FMN1: variants seen among roughly 807,000 people sequenced by gnomAD.
The protein encoded by FMN1 is formin-1.
In FMN1, 110 loss-of-function variants were observed where a neutral mutation model predicts 132.4. The ratio of observed to expected loss-of-function variants is 0.83; its 90% CI spans 0.71 to 0.97. FMN1 has a LOEUF of 0.97. Ranked by LOEUF, FMN1 falls within the 50% of genes least tolerant of loss-of-function variation. The pLI, the probability that FMN1 is intolerant of heterozygous loss-of-function variation, is 0.00. For missense variants in FMN1, 1,792 were observed against 1,705.3 expected (o/e 1.05, Z -0.90); for synonymous variants, 722 against 651.7 (o/e 1.11, Z -1.64).
intron 17 of FMN1, among the ~76,000 whole-genome samples, chr15:32,815,386 A>G (rs1040356565): frequency 2.0e-5 from 3 of 152,162 alleles, no homozygotes; most frequent in African/African-American, 7.2e-5. Context: ...AATGGAAGAA[A>G]AAGTTCTCCA....
chr15:32,827,376 A>G (rs2058392547), intron 17 of FMN1, among the ~76,000 whole-genome samples: 1 of 152,202 alleles, frequency 6.6e-6, no homozygotes, highest in African/African-American at 2.4e-5. Flanking sequence ...TCACAAATGG[A>G]TTATTACCTA....
chr15:32,826,349 A>G lies in FMN1; in HGVS notation c.3929-22017T>C, dbSNP rs555042704. Among the ~76,000 whole-genome samples, 8 of 152,348 alleles carry G rather than the reference A, an allele frequency of 5.3e-5. No homozygotes were observed. The South Asian group carries it at 1.4e-3, about 28-fold the overall frequency. On this transcript the variant is annotated intron_variant, in intron 17 of 20. Coordinates refer to ENST00000616417, the MANE Select transcript of FMN1 (RefSeq NM_001277313.2). ...GCAGCCTGAGAGGCTACAGGCCAAC[A>G]GTGAAGGTGTTGAAAGACACTGAGA... is the stretch of plus-strand genomic sequence containing the variant.
At position 33,088,736 on chromosome 15, in the gene FMN1, A is replaced by G. The variant is rs556271893; in HGVS notation, c.2043+63T>C. On this transcript the variant is annotated intron_variant, in intron 5 of 20. Coordinates refer to ENST00000616417, the MANE Select transcript of FMN1 (RefSeq NM_001277313.2). ...TATATACACAATTTACATTAAATAC[A>G]TATTAAATGAGCCTCTGTTGACCAC... 471 of 1,317,284 alleles carry G rather than the reference A, an allele frequency of 3.6e-4. 1 individual carries two copies. Among genetic ancestry groups the G allele is most frequent in the Non-Finnish European group, 4.5e-4 (444 of 980,342 alleles). The allele number at this position is 1,317,284 out of a possible 1,614,324, so 81.6% of individuals were successfully genotyped here. A position where few individuals can be genotyped will look rare whatever the true frequency, so the allele number is the denominator to read the frequency against.
intron 9 of FMN1, among the ~76,000 whole-genome samples, chr15:32,955,326 T>A (rs1042192044): frequency 2.4e-4 from 36 of 152,350 alleles, no homozygotes; most frequent in African/African-American, 7.7e-4. Flanking sequence ...GTTCTGACTA[T>A]CACATACATG....
chr15:32,879,228 A>AT (rs1567314921), intron 16 of FMN1, among the ~76,000 whole-genome samples: 2 of 152,186 alleles, frequency 1.3e-5, no homozygotes, highest in African/African-American at 4.8e-5. Flanking sequence ...AAAATAAATC[A>AT]TATCAAAGTT....
chr15:32,817,480 A>C (rs10519750), intron 17 of FMN1, among the ~76,000 whole-genome samples: 23,873 of 152,202 alleles, frequency 0.16, 2,397 homozygotes, highest in East Asian at 0.55. Context: ...CCAAGAATTA[A>C]CACGATGACT....
chr15:32,963,202 A>T (rs1233290922), intron 9 of FMN1, among the ~76,000 whole-genome samples: 5 of 151,668 alleles, frequency 3.3e-5, no homozygotes, highest in African/African-American at 1.2e-4. Flanking sequence ...AGGGACATGG[A>T]TGAAATTGGA....
intron 16 of FMN1, among the ~76,000 whole-genome samples, chr15:32,863,692 T>C (rs1382242389): frequency 6.6e-6 from 1 of 152,258 alleles, no homozygotes; most frequent in Non-Finnish European, 1.5e-5. Flanking sequence ...TCCATGTTCA[T>C]CTTTTCTACT....
intron 7 of FMN1, among the ~76,000 whole-genome samples, chr15:32,972,841 A>C (rs1237542535): frequency 6.6e-6 from 1 of 152,222 alleles, no homozygotes; most frequent in East Asian, 1.9e-4. Flanking sequence ...CAGCTGCCTC[A>C]GATCCAACAG....
At chr15:32,798,476 G>A (rs1251926298) in intron 19 of FMN1, among the ~76,000 whole-genome samples, 1 of 152,178 alleles carries the variant, frequency 6.6e-6, no homozygotes, top group African/African-American at 2.4e-5. Flanking sequence ...CGACAGCAAG[G>A]CTGCCTCATT....
intron 7 of FMN1, among the ~76,000 whole-genome samples, chr15:32,996,184 A>G (rs567813736): frequency 6.6e-6 from 1 of 152,228 alleles, no homozygotes; most frequent in Non-Finnish European, 1.5e-5. Context: ...ACCAAGTTAC[A>G]ACATTGTCAC....
At chr15:32,912,764 T>C (rs114710791) in intron 10 of FMN1, among the ~76,000 whole-genome samples, 1 of 152,014 alleles carries the variant, frequency 6.6e-6, no homozygotes, top group Non-Finnish European at 1.5e-5. Flanking sequence ...AAGGTGACTA[T>C]CATGGACAGA....
intron 2 of FMN1, among the ~76,000 whole-genome samples, chr15:33,186,605 A>G (rs997561264): frequency 2.0e-5 from 3 of 152,206 alleles, no homozygotes; most frequent in Non-Finnish European, 4.4e-5. Context: ...CTATCTTACT[A>G]TCTCTTCACC....
At chr15:33,010,490 A>AT (rs1261718417) in intron 6 of FMN1, among the ~76,000 whole-genome samples, 1 of 152,210 alleles carries the variant, frequency 6.6e-6, no homozygotes, top group African/African-American at 2.4e-5. Flanking sequence ...GACATTAAAT[A>AT]TTATATTGGT....
chr15:32,778,152 C>A (rs184510075), intron 19 of FMN1, among the ~76,000 whole-genome samples: 5 of 102,256 alleles, frequency 4.9e-5, no homozygotes, highest in African/African-American at 4.9e-5. Context: ...ATATATAATA[C>A]ATTTATTATA....
chr15:32,984,833 A>G (rs1170588791), intron 7 of FMN1, among the ~76,000 whole-genome samples: 1 of 152,062 alleles, frequency 6.6e-6, no homozygotes, highest in Non-Finnish European at 1.5e-5. Context: ...AAACTAGGAA[A>G]TCACTTGTGT....
At chr15:32,936,439 T>C (rs1471208105) in intron 9 of FMN1, among the ~76,000 whole-genome samples, 2 of 152,246 alleles carry the variant, frequency 1.3e-5, no homozygotes, top group African/African-American at 2.4e-5. Context: ...GACTTACGTA[T>C]GTGAATTCCC....
chr15:32,889,638 C>T (rs1444861131), intron 15 of FMN1, among the ~76,000 whole-genome samples: 2 of 152,292 alleles, frequency 1.3e-5, no homozygotes, highest in East Asian at 3.9e-4. Flanking sequence ...CCTTACACTT[C>T]CTTGTTCATA....
intron 17 of FMN1, among the ~76,000 whole-genome samples, chr15:32,847,758 G>A (rs2058893761): frequency 6.6e-6 from 1 of 152,158 alleles, no homozygotes; most frequent in Admixed American, 6.5e-5. Context: ...GGGAGGCTAA[G>A]GCAGAAGAAT....
Sources: allele counts gnomAD v4.1 joint callset (sites outside exome capture counted in the v4.1 genomes callset), GRCh38; gene constraint gnomAD v4.1.1; transcripts MANE v1.5; gene names NCBI Gene and HGNC (gene_info 2026-07-23, HGNC 2026-07-21).